Variants in PAXBP1 observed in about 807,000 individuals in gnomAD.
PAXBP1 encodes PAX3 and PAX7 binding protein 1.
PAXBP1 carries 44 observed loss-of-function variants against 119.9 expected under a neutral mutation model. The ratio of observed to expected loss-of-function variants is 0.37; its 90% CI spans 0.29 to 0.47. The LOEUF is 0.47. Among genes scored for constraint, PAXBP1 ranks in the 20% least tolerant of loss-of-function variants. PAXBP1 has a pLI of 0.99. For synonymous variants in PAXBP1, 393 were observed against 406.6 expected (o/e 0.97, Z 0.40); for missense variants, 898 against 1,134.1 (o/e 0.79, Z 2.99).
At chr21:32,744,594 C>T (rs715231) in intron 13 of PAXBP1, among the ~76,000 whole-genome samples, 198 bp downstream of exon 13, 44,552 of 150,922 alleles carry the variant, frequency 0.3, 6,620 homozygotes, top group Middle Eastern at 0.36. Context: ...CATCTCTCTG[C>T]GGGACTAGGT....
intron 1 of PAXBP1, 69 bp downstream of exon 1, chr21:32,771,257 C>CG: frequency 7.3e-7 from 1 of 1,374,148 alleles, no homozygotes; most frequent in Non-Finnish European, 9.6e-7. Flanking sequence ...CCAGAGAATA[C>CG]GGGGGCGGGG....
chr21:32,747,644 G>A (rs1272860214), intron 11 of PAXBP1, among the ~76,000 whole-genome samples: 1 of 152,004 alleles, frequency 6.6e-6, no homozygotes, highest in East Asian at 1.9e-4. Flanking sequence ...ATTCAACCTA[G>A]CCAATCTCAA....
intron 13 of PAXBP1, among the ~76,000 whole-genome samples, chr21:32,744,298 C>T (rs910472646): frequency 2.7e-5 from 4 of 146,704 alleles, no homozygotes; most frequent in African/African-American, 5.1e-5. Context: ...AGGAGGGGGG[C>T]GGGGTCTGTG....
At chr21:32,744,728 A>G in intron 13 of PAXBP1, 64 bp downstream of exon 13, 1 of 1,459,118 alleles carries the variant, frequency 6.9e-7, no homozygotes, top group Non-Finnish European at 9.1e-7. Flanking sequence ...TCATTCTCTC[A>G]ATGCTTGCTC....
Position 32,737,332 on chromosome 21 carries a change from C to G in PAXBP1, c.2558G>C (p.Cys853Ser), listed in dbSNP as rs749337356. The G allele has an allele frequency of 7.5e-6, 12 of 1,609,198 alleles. No individual in the cohort carries two copies. In the East Asian group the frequency reaches 2.5e-4, roughly 33 times the overall value. ...ATCCGCTAAGTGTACAAGGTATCGG[C>G]AAAAGTTTTCTAACTGAGAAATAGT... ...ERTISQLENF[C>S]RYLVHLADTI... The change falls in exon 17 of 18, where the codon TGC becomes TCC. Residue 853 changes from cysteine (C) to serine (S), a missense_variant. By Grantham distance (112) the Cys-to-Ser change is moderately radical. Around this residue, in one of 2 missense-constraint regions of PAXBP1, gnomAD observed 599 missense variants for 852.7 expected, o/e 0.70. Coordinates refer to ENST00000331923, the MANE Select transcript of PAXBP1 (RefSeq NM_016631.4).
At position 32,734,929 on chromosome 21, in the gene PAXBP1, A is replaced by G; in HGVS notation, c.*21T>C. 6.4e-7 allele frequency: 1 copy of G among 1,561,642 alleles called. No individual in the cohort carries two copies. Among genetic ancestry groups the G allele is most frequent in the Admixed American group, 1.7e-5 (1 of 59,792 alleles). ...CATTGGGAATGGTAATCAAGCAAAT[A>G]GGTTTTTCAGTCTCATAGATCTATT... On this transcript the variant is annotated 3_prime_UTR_variant, in exon 18 of 18. Coordinates refer to ENST00000331923, the MANE Select transcript of PAXBP1 (RefSeq NM_016631.4).
chr21:32,741,405 TG>T, intron 15 of PAXBP1: 3 of 506,362 alleles, frequency 5.9e-6, no homozygotes, highest in Non-Finnish European at 1.1e-5. Context: ...GCCTTCAGAA[TG>T]AAGACCCAAA....
intron 7 of PAXBP1, chr21:32,755,564 T>A: frequency 2.4e-6 from 1 of 418,216 alleles, no homozygotes; most frequent in Non-Finnish European, 4.1e-6. Flanking sequence ...TAATGTCCAG[T>A]GCCTAGTTAT....
In PAXBP1 at chr21:32,761,845, C is replaced by T. The variant is rs567937916; in HGVS notation, c.871+251G>A. Among the ~76,000 whole-genome samples the T allele has an allele frequency of 7.2e-5, 11 of 152,204 alleles. No homozygotes were observed. In the East Asian group the frequency reaches 2.1e-3, roughly 29 times the overall value. On this transcript the variant is annotated intron_variant, in intron 4 of 17. Coordinates refer to ENST00000331923, the MANE Select transcript of PAXBP1 (RefSeq NM_016631.4). Reference sequence around the variant, plus strand: ...TGAAGCCAAGAGTTAAGACACCAGACACAGTGAGACCCCATAACTACAAAA... The same window carrying T: ...TGAAGCCAAGAGTTAAGACACCAGATACAGTGAGACCCCATAACTACAAAA...
At chr21:32,748,198 T>A (rs2043903567) in intron 11 of PAXBP1, among the ~76,000 whole-genome samples, 1 of 152,148 alleles carries the variant, frequency 6.6e-6, no homozygotes, top group South Asian at 2.1e-4. Flanking sequence ...AGGACCAAGT[T>A]CTTACTATTC....
intron 3 of PAXBP1, among the ~76,000 whole-genome samples, chr21:32,762,825 C>A (rs755994327): frequency 6.7e-6 from 1 of 150,032 alleles, no homozygotes; most frequent in South Asian, 2.1e-4. Context: ...GCAGGAGAAT[C>A]GCTTGAACCC....
intron 11 of PAXBP1, among the ~76,000 whole-genome samples, chr21:32,746,035 A>G (rs2043866842): frequency 6.6e-6 from 1 of 152,204 alleles, no homozygotes; most frequent in Non-Finnish European, 1.5e-5. Context: ...CCTGTTTAAT[A>G]AATGGTGTTG....
At chr21:32,764,610 AT>A (rs112874557) in intron 2 of PAXBP1, 86 bp from the exon 3 acceptor site, 8 of 1,062,360 alleles carry the variant, frequency 7.5e-6, no homozygotes, top group East Asian at 2.7e-5. Context: ...ATCATTAAAA[AT>A]TTTTTTAATT....
intron 7 of PAXBP1, 129 bp downstream of exon 7, chr21:32,758,951 G>A (rs898668643): frequency 1.2e-6 from 1 of 857,314 alleles, no homozygotes; most frequent in Non-Finnish European, 1.8e-6. Context: ...AATGAAGCAT[G>A]ACTTTTCATC....
At chr21:32,752,133 T>C (rs1484200314) in intron 8 of PAXBP1, 2 of 152,278 alleles carry the variant, frequency 1.3e-5, no homozygotes, top group Non-Finnish European at 2.9e-5. Flanking sequence ...CTTATGATCA[T>C]CGTTAACTGC....
intron 2 of PAXBP1, among the ~76,000 whole-genome samples, chr21:32,765,806 A>G (rs942738310): frequency 2.0e-5 from 3 of 151,770 alleles, no homozygotes; most frequent in African/African-American, 4.8e-5. Context: ...ACTTTATCAC[A>G]TTATTAGATG....
At chr21:32,766,016 T>C (rs995393676) in intron 2 of PAXBP1, among the ~76,000 whole-genome samples, 1 of 152,074 alleles carries the variant, frequency 6.6e-6, no homozygotes, top group African/African-American at 2.4e-5. Context: ...ACACCTGTAG[T>C]CCCAGCTACT....
chr21:32,752,792 G>A (rs2043977498), intron 8 of PAXBP1, among the ~76,000 whole-genome samples: 1 of 152,026 alleles, frequency 6.6e-6, no homozygotes, highest in South Asian at 2.1e-4. Flanking sequence ...ACAGGCACCC[G>A]CCACCAGCTA....
intron 7 of PAXBP1, chr21:32,756,608 T>C (rs879635539): frequency 2.1e-5 from 5 of 238,328 alleles, no homozygotes; most frequent in Non-Finnish European, 4.1e-5. Flanking sequence ...TATAATCTGA[T>C]TTTTTTTTAG....
Sources: allele counts gnomAD v4.1 joint callset (sites outside exome capture counted in the v4.1 genomes callset), GRCh38; gene constraint gnomAD v4.1.1; regional missense constraint gnomAD v4.1.1; transcripts MANE v1.5; gene names NCBI Gene and HGNC (gene_info 2026-07-23, HGNC 2026-07-21).